The following SLCO3A1 variants were observed in gnomAD, a reference collection of about 807,000 sequenced individuals.
SLCO3A1 encodes the protein PGE1 transporter.
Under a neutral mutation model 63.1 loss-of-function variants are expected in SLCO3A1, and 27 were observed. That is an observed-to-expected ratio of 0.43 (90% CI 0.32 to 0.59). The LOEUF is 0.59. Among genes scored for constraint, SLCO3A1 ranks in the 20% least tolerant of loss-of-function variants. The probability of loss-of-function intolerance (pLI) is 0.09; values close to 1 mark genes in which losing one functional copy is unlikely to be tolerated. For missense variants in SLCO3A1, 773 were observed against 945.8 expected, an observed-to-expected ratio of 0.82 and a Z score of 2.40; for synonymous variants, 473 against 409.9, an observed-to-expected ratio of 1.15 and a Z score of -1.86.
At chr15:92,018,433 C>T (rs1040429294) in intron 2 of SLCO3A1, among the ~76,000 whole-genome samples, 1 of 152,180 alleles carries the variant, frequency 6.6e-6, no homozygotes, top group African/African-American at 2.4e-5. Context: ...CCCTCCTAAC[C>T]AGTGTTACAT....
chr15:92,065,200 G>A (rs980811220), intron 2 of SLCO3A1, among the ~76,000 whole-genome samples: 25 of 151,974 alleles, frequency 1.6e-4, no homozygotes, highest in African/African-American at 5.8e-4. Context: ...CTCCTGCCTC[G>A]GCCTCCCAAG....
chr15:92,105,714 A>C (rs949426850), intron 4 of SLCO3A1, among the ~76,000 whole-genome samples: 1 of 152,202 alleles, frequency 6.6e-6, no homozygotes, highest in Admixed American at 6.5e-5. Context: ...GAGTGGGCTC[A>C]TGCAGCCAGG....
At chr15:92,147,195 C>A in intron 8 of SLCO3A1, 36 bp downstream of exon 8, 1 of 1,583,372 alleles carries the variant, frequency 6.3e-7, no homozygotes. Context: ...CTCCTCCTTT[C>A]CACCTGGTGT....
At chr15:91,931,235 C>A (rs1343480722) in intron 2 of SLCO3A1, among the ~76,000 whole-genome samples, 2 of 152,136 alleles carry the variant, frequency 1.3e-5, no homozygotes, top group African/African-American at 4.8e-5. Context: ...AATGCTGCTC[C>A]CTGATGCGAT....
At chr15:91,924,568 T>C (rs1033648698) in intron 2 of SLCO3A1, among the ~76,000 whole-genome samples, 2 of 152,194 alleles carry the variant, frequency 1.3e-5, no homozygotes, top group Non-Finnish European at 2.9e-5. Flanking sequence ...TCGCACATTG[T>C]GAATGTCACA....
At chr15:91,880,685 T>C (rs916440999) in intron 1 of SLCO3A1, among the ~76,000 whole-genome samples, 1 of 152,196 alleles carries the variant, frequency 6.6e-6, no homozygotes, top group African/African-American at 2.4e-5. Flanking sequence ...TTGTTGCATA[T>C]ATCAATAATT....
At chr15:91,933,923 G>A (rs1012731576) in intron 2 of SLCO3A1, among the ~76,000 whole-genome samples, 1 of 152,178 alleles carries the variant, frequency 6.6e-6, no homozygotes, top group African/African-American at 2.4e-5. Flanking sequence ...GGATGGTTAT[G>A]TTAAAGATCT....
chr15:92,004,308 C>T (rs191967304), intron 2 of SLCO3A1, among the ~76,000 whole-genome samples: 64 of 152,316 alleles, frequency 4.2e-4, no homozygotes, highest in African/African-American at 1.4e-3. Flanking sequence ...TCCTCCTATA[C>T]GGTGAAGACC....
At chr15:91,930,293 A>C (rs1228295957) in intron 2 of SLCO3A1, among the ~76,000 whole-genome samples, 1 of 152,112 alleles carries the variant, frequency 6.6e-6, no homozygotes, top group African/African-American at 2.4e-5. Context: ...TCTACCTCTG[A>C]TGAGTTTCAC....
At position 91,883,660 on chromosome 15, in the gene SLCO3A1, T is replaced by C. The variant is rs1299634881; in HGVS notation, c.180+29572T>C. ...AATAGTTACTAAGGCAATGCATTGA[T>C]ACATTGTTCATACGCTCATAATTAG... On this transcript the variant is annotated intron_variant, in intron 1 of 9. Coordinates refer to ENST00000318445, the MANE Select transcript of SLCO3A1 (RefSeq NM_013272.4). This position sits in a 1 kb window ranked among gnomAD's most constrained non-coding sequence, Gnocchi z 4.8. 6.6e-6 allele frequency among the ~76,000 whole-genome samples: 1 copy of C among 152,248 alleles called. No homozygotes were observed. The highest frequency in any genetic ancestry group is 6.5e-5 in the Admixed American group (1 of 15,286).
chr15:91,952,657 T>C (rs1218837577), intron 2 of SLCO3A1, among the ~76,000 whole-genome samples: 1 of 152,212 alleles, frequency 6.6e-6, no homozygotes, highest in African/African-American at 2.4e-5. Context: ...AGATCAGGGA[T>C]TGCACCTGTG....
Position 92,076,163 on chromosome 15 carries a change from G to C in SLCO3A1, c.647-18718G>C, listed in dbSNP as rs140058124. 8.5e-3 allele frequency among the ~76,000 whole-genome samples: 1,300 copies of C among 152,286 alleles called. 7 individuals are homozygous for C. Among genetic ancestry groups the C allele is most frequent in the Non-Finnish European group, 0.014 (967 of 68,028 alleles). On this transcript the variant is annotated intron_variant, in intron 2 of 9. Transcript: ENST00000318445. ...TAGTGATAAAATCAGGGTGAAATTT[G>C]CATTTGACTCACATCTTGACTGTTT...
chr15:91,973,756 G>A lies in SLCO3A1; in HGVS notation c.646+57298G>A, dbSNP rs117048285. Among the ~76,000 whole-genome samples the A allele has an allele frequency of 6.6e-5, 10 of 152,266 alleles. No individual in the cohort carries two copies. In the East Asian group the frequency reaches 1.9e-3, roughly 29 times the overall value. ...AAGCCTCCATCGGTGCACAGGACCG[G>A]CATCCACAACAAAGAATTATCCAAC... On this transcript the variant is annotated intron_variant, in intron 2 of 9. Coordinates refer to ENST00000318445, the MANE Select transcript of SLCO3A1 (RefSeq NM_013272.4).
chr15:92,093,307 G>A (rs555397798), intron 2 of SLCO3A1, among the ~76,000 whole-genome samples: 38 of 152,308 alleles, frequency 2.5e-4, no homozygotes, highest in Admixed American at 5.2e-4. Context: ...GGCACATTAC[G>A]TGGCGAGAGC....
chr15:92,120,416 C>G, intron 4 of SLCO3A1, 49 bp from the exon 5 acceptor site: 1 of 1,577,780 alleles, frequency 6.3e-7, no homozygotes, highest in Non-Finnish European at 8.7e-7. Context: ...AAGATGGGAG[C>G]ACAGGGTGTG....
intron 2 of SLCO3A1, among the ~76,000 whole-genome samples, chr15:92,078,014 A>C (rs1239224474): frequency 6.6e-6 from 1 of 152,092 alleles, no homozygotes; most frequent in African/African-American, 2.4e-5. Context: ...CGGGGTTGTG[A>C]GGATTACATT....
chr15:92,100,017 G>A (rs1429753902), intron 3 of SLCO3A1, among the ~76,000 whole-genome samples: 1 of 150,458 alleles, frequency 6.6e-6, no homozygotes, highest in South Asian at 2.1e-4. Context: ...AGTGAGCTGA[G>A]ATCTCACCAC....
At chr15:91,945,624 G>A (rs1899780404) in intron 2 of SLCO3A1, among the ~76,000 whole-genome samples, 1 of 152,224 alleles carries the variant, frequency 6.6e-6, no homozygotes, top group Non-Finnish European at 1.5e-5. Flanking sequence ...GAGGGAGATG[G>A]AGAGTTGGAG....
intron 9 of SLCO3A1, among the ~76,000 whole-genome samples, chr15:92,152,326 T>G (rs1194485717): frequency 6.6e-6 from 1 of 152,210 alleles, no homozygotes; most frequent in Non-Finnish European, 1.5e-5. Context: ...GCAAAAACTT[T>G]CTATCAATCT....
Sources: gnomAD v4.1 joint callset for allele counts (sites outside exome capture counted in the v4.1 genomes callset) on GRCh38, gnomAD v4.1.1 for gene constraint, Gnocchi (gnomAD v3.1) non-coding constraint, MANE v1.5 for transcripts, NCBI Gene and HGNC (gene_info 2026-07-23, HGNC 2026-07-21) for gene names.